The following PCDH15 variants were observed in gnomAD, a reference collection of about 807,000 sequenced individuals.
The protein encoded by PCDH15 is protocadherin-15.
PCDH15 carries 129 observed loss-of-function variants against 178.5 expected under a neutral mutation model. That is an observed-to-expected ratio of 0.72 (90% CI 0.63 to 0.84). The LOEUF (loss-of-function observed/expected upper bound fraction) is 0.84, where lower values mean the gene tolerates loss of function less well. Ranked by LOEUF, PCDH15 falls within the 40% of genes least tolerant of loss-of-function variation. PCDH15 has a pLI of 0.00. For synonymous variants in PCDH15, 800 were observed against 732.0 expected, an observed-to-expected ratio of 1.09 and a Z score of -1.50; for missense variants, 2,230 against 2,099.9, an observed-to-expected ratio of 1.06 and a Z score of -1.21.
chr10:54,156,812 T>C (rs1338917806), intron 13 of PCDH15, among the ~76,000 whole-genome samples: 1 of 152,232 alleles, frequency 6.6e-6, no homozygotes, highest in Non-Finnish European at 1.5e-5. Context: ...ACAATGGAGA[T>C]ACAGGCATTG....
At chr10:54,664,695 A>G (rs942003188) in intron 1 of PCDH15, among the ~76,000 whole-genome samples, 15 of 151,996 alleles carry the variant, frequency 9.9e-5, no homozygotes, top group Non-Finnish European at 1.8e-4. Flanking sequence ...AGTATCCTAC[A>G]TGAGCATTTC....
At chr10:54,778,711 T>G (rs1433777059) in intron 1 of PCDH15, among the ~76,000 whole-genome samples, 1 of 152,142 alleles carries the variant, frequency 6.6e-6, no homozygotes, top group Admixed American at 6.6e-5. Context: ...GAGTTTCTCT[T>G]TAAATATTTA....
chr10:53,821,291 A>T (rs2076258526), intron 32 of PCDH15: 2 of 985,610 alleles, frequency 2.0e-6, no homozygotes, highest in East Asian at 1.1e-4. Context: ...ACAGATGACT[A>T]CATGTTATAG....
chr10:54,146,586 T>A (rs12241532), intron 14 of PCDH15, among the ~76,000 whole-genome samples: 2,337 of 151,758 alleles, frequency 0.015, 75 homozygotes, highest in African/African-American at 0.054. Flanking sequence ...CTTATCAAAG[T>A]CTCAAAAAAA....
At chr10:54,232,141 G>A (rs558402985) in intron 9 of PCDH15, among the ~76,000 whole-genome samples, 49 of 152,314 alleles carry the variant, frequency 3.2e-4, no homozygotes, top group African/African-American at 1.2e-3. Context: ...CAATGTAGGA[G>A]GAGGGACCTG....
chr10:54,952,473 T>C (rs539970600), intron 2 of PCDH15, among the ~76,000 whole-genome samples: 11 of 151,916 alleles, frequency 7.2e-5, no homozygotes, highest in South Asian at 2.1e-4. Flanking sequence ...TTCAAAACTA[T>C]GTTTGCTCTC....
At chr10:55,391,977 T>C (rs1343898559) in intron 2 of PCDH15, among the ~76,000 whole-genome samples, 1 of 152,140 alleles carries the variant, frequency 6.6e-6, no homozygotes, top group Non-Finnish European at 1.5e-5. Context: ...TTAGAGGCCA[T>C]TGTAGGGTTA....
intron 2 of PCDH15, among the ~76,000 whole-genome samples, chr10:54,593,687 A>AT (rs1183793013): frequency 1.3e-5 from 2 of 151,920 alleles, no homozygotes; most frequent in South Asian, 2.1e-4. Context: ...AAATTTTAGA[A>AT]TTTTTTTTCC....
chr10:54,332,232 T>C (rs1461380491), intron 6 of PCDH15, among the ~76,000 whole-genome samples: 2 of 122,604 alleles, frequency 1.6e-5, no homozygotes, highest in Non-Finnish European at 3.3e-5. Flanking sequence ...GTTTTTTACA[T>C]ATATATAATA....
rs1841141867 is a variant in PCDH15, at chr10:53,806,189, T to C, written c.*390A>G. The stretch of plus-strand genomic sequence containing the variant: ...CTTACTTCTTTTTTGCCCTTTTGGC[T>C]ATGGAAAATAAAATTACATGTACTA... On this transcript the variant is annotated 3_prime_UTR_variant, in exon 38 of 38. Transcript: ENST00000644397. The C allele has an allele frequency of 5.6e-6, 1 of 177,234 alleles. No homozygotes were observed. Among genetic ancestry groups the C allele is most frequent in the African/African-American group, 2.4e-5 (1 of 41,658 alleles). The allele number at this position is 177,234 out of a possible 1,614,324, so 11.0% of individuals were successfully genotyped here.
intron 3 of PCDH15, among the ~76,000 whole-genome samples, chr10:54,868,430 CCTT>C (rs1953976169): frequency 2.6e-5 from 4 of 152,210 alleles, no homozygotes; most frequent in South Asian, 2.1e-4. Flanking sequence ...TGAATGGCTT[CCTT>C]CTTCTCTTCC....
intron 23 of PCDH15, among the ~76,000 whole-genome samples, 189 bp from the exon 24 acceptor site, chr10:53,941,164 T>C (rs1564821215): frequency 2.6e-5 from 4 of 152,186 alleles, no homozygotes; most frequent in African/African-American, 4.8e-5. Flanking sequence ...TGAACCTACA[T>C]TGACCCATTA....
chr10:54,242,339 T>C (rs2055492499), intron 8 of PCDH15, among the ~76,000 whole-genome samples: 1 of 151,332 alleles, frequency 6.6e-6, no homozygotes, highest in African/African-American at 2.4e-5. Flanking sequence ...ACAAAAGGTA[T>C]ATTCAAGAGA....
intron 32 of PCDH15, 73 bp from the exon 33 acceptor site, chr10:53,820,303 G>A (rs1451550273): frequency 1.0e-5 from 4 of 395,754 alleles, no homozygotes; most frequent in East Asian, 7.2e-5. Flanking sequence ...TCTTGATTTC[G>A]ATGAAAAGAT....
At chr10:54,792,123 G>T (rs939588250) in intron 1 of PCDH15, among the ~76,000 whole-genome samples, 1 of 151,702 alleles carries the variant, frequency 6.6e-6, no homozygotes, top group Admixed American at 6.6e-5. Flanking sequence ...GCTCCAAAAT[G>T]GACTGGAATA....
At chr10:54,396,799 CA>C (rs111872756) in intron 3 of PCDH15, among the ~76,000 whole-genome samples, 3,999 of 152,096 alleles carry the variant, frequency 0.026, 168 homozygotes, top group African/African-American at 0.089. Flanking sequence ...GGCATAATAA[CA>C]AAAGTTCAAA....
intron 1 of PCDH15, among the ~76,000 whole-genome samples, chr10:54,690,111 A>C (rs1269124172): frequency 6.6e-6 from 1 of 152,146 alleles, no homozygotes; most frequent in East Asian, 1.9e-4. Context: ...TGGAGCTGAA[A>C]AATGTCTATC....
chr10:54,990,091 A>G (rs1483259428), intron 2 of PCDH15, among the ~76,000 whole-genome samples: 1 of 152,172 alleles, frequency 6.6e-6, no homozygotes, highest in Non-Finnish European at 1.5e-5. Flanking sequence ...TGGGTTCTCC[A>G]TTAAACCTCG....
intron 2 of PCDH15, among the ~76,000 whole-genome samples, chr10:55,119,421 A>G (rs547555444): frequency 3.4e-4 from 51 of 149,952 alleles, no homozygotes; most frequent in Non-Finnish European, 7.0e-4. Flanking sequence ...AACTATTTCT[A>G]CTAATTATAC....
Sources: allele counts gnomAD v4.1 joint callset (sites outside exome capture counted in the v4.1 genomes callset), GRCh38; gene constraint gnomAD v4.1.1; transcripts MANE v1.5; gene names NCBI Gene and HGNC (gene_info 2026-07-23, HGNC 2026-07-21).